NAV2: variants seen among roughly 807,000 people sequenced by gnomAD.
The protein encoded by NAV2 is neuron navigator 2.
A neutral mutation model predicts 223.2 loss-of-function variants in NAV2; 54 were observed. The ratio of observed to expected loss-of-function variants is 0.24; its 90% CI spans 0.19 to 0.30. The LOEUF is 0.30. Ranked by LOEUF, NAV2 falls within the 10% of genes least tolerant of loss-of-function variation. The pLI, the probability that NAV2 is intolerant of heterozygous loss-of-function variation, is 1.00. For synonymous variants in NAV2, 1,279 were observed against 1,239.3 expected (o/e 1.03, Z -0.67); for missense variants, 2,806 against 3,147.5 (o/e 0.89, Z 2.60).
chr11:19,794,985 G>A (rs960566008), intron 1 of NAV2, among the ~76,000 whole-genome samples: 9 of 152,132 alleles, frequency 5.9e-5, no homozygotes, highest in Non-Finnish European at 8.8e-5. Flanking sequence ...AAGGCCTAGC[G>A]GCATCTTTCT....
chr11:19,426,691 A>G (rs1008853223), intron 1 of NAV2, among the ~76,000 whole-genome samples: 1 of 121,374 alleles, frequency 8.2e-6, no homozygotes, highest in African/African-American at 3.1e-5. Context: ...AAACAGTCCC[A>G]TCAATTTTTT....
chr11:19,592,604 G>T (rs775903761), intron 1 of NAV2, among the ~76,000 whole-genome samples: 1 of 152,012 alleles, frequency 6.6e-6, no homozygotes, highest in Non-Finnish European at 1.5e-5. Flanking sequence ...TAATTCCTAG[G>T]TCTCTCTGGG....
At chr11:19,599,297 G>C (rs1342216512) in intron 1 of NAV2, among the ~76,000 whole-genome samples, 1 of 152,134 alleles carries the variant, frequency 6.6e-6, no homozygotes, top group African/African-American at 2.4e-5. Flanking sequence ...AAATGGTTTG[G>C]CTGGAAAAAC....
chr11:19,357,469 T>A (rs1853684950), intron 1 of NAV2, among the ~76,000 whole-genome samples: 1 of 152,242 alleles, frequency 6.6e-6, no homozygotes, highest in African/African-American at 2.4e-5. Flanking sequence ...TTATGAGATA[T>A]AATGTACTTG....
At chr11:19,562,462 G>A (rs1325472086) in intron 1 of NAV2, among the ~76,000 whole-genome samples, 1 of 152,116 alleles carries the variant, frequency 6.6e-6, no homozygotes, top group East Asian at 1.9e-4. Context: ...TTTGAGACAT[G>A]GATTGGGTCT....
chr11:19,704,206 CTTA>C (rs2049593690), intron 1 of NAV2, among the ~76,000 whole-genome samples: 1 of 152,112 alleles, frequency 6.6e-6, no homozygotes, highest in Non-Finnish European at 1.5e-5. Flanking sequence ...CTTTCCTTGC[CTTA>C]TTATTAAGAC....
intron 6 of NAV2, among the ~76,000 whole-genome samples, chr11:19,914,690 G>A (rs991545991): frequency 4.0e-5 from 6 of 151,738 alleles, no homozygotes; most frequent in Admixed American, 3.9e-4. Context: ...GACTACAGGC[G>A]CCCGCCACCG....
chr11:20,031,201 TTC>T (rs1322766606), intron 11 of NAV2, among the ~76,000 whole-genome samples: 1 of 152,218 alleles, frequency 6.6e-6, no homozygotes, highest in East Asian at 1.9e-4. Context: ...CCCAAGCCAC[TTC>T]TCTGGAATTT....
At chr11:19,558,428 T>G (rs1156346567) in intron 1 of NAV2, among the ~76,000 whole-genome samples, 3 of 152,212 alleles carry the variant, frequency 2.0e-5, no homozygotes, top group African/African-American at 7.2e-5. Flanking sequence ...CATGGCATTG[T>G]GCCAAACCCC....
chr11:19,909,002 T>C (rs1476071607), intron 6 of NAV2, among the ~76,000 whole-genome samples: 2 of 152,184 alleles, frequency 1.3e-5, no homozygotes, highest in Non-Finnish European at 2.9e-5. Flanking sequence ...TCTAAATGCA[T>C]GAATTTATGG....
chr11:19,356,777 AG>A (rs1348587277), intron 1 of NAV2, among the ~76,000 whole-genome samples: 1 of 152,220 alleles, frequency 6.6e-6, no homozygotes, highest in Non-Finnish European at 1.5e-5. Context: ...ATTGTTTTCC[AG>A]GGAATAAAAC....
intron 6 of NAV2, among the ~76,000 whole-genome samples, chr11:19,921,092 A>G (rs1159064869): frequency 6.6e-6 from 1 of 152,230 alleles, no homozygotes; most frequent in Non-Finnish European, 1.5e-5. Flanking sequence ...TTAAGAAGAC[A>G]ACTGTCAGGT....
intron 1 of NAV2, chr11:19,777,572 C>T (rs1380025282): frequency 6.6e-6 from 3 of 454,530 alleles, no homozygotes; most frequent in Non-Finnish European, 1.3e-5. Flanking sequence ...TTTTAACCCC[C>T]CACCCCGCCC....
At chr11:19,891,063 C>T (rs1565503760) in intron 5 of NAV2, among the ~76,000 whole-genome samples, 1 of 152,200 alleles carries the variant, frequency 6.6e-6, no homozygotes, top group Non-Finnish European at 1.5e-5. Flanking sequence ...CTCACACCAG[C>T]TCATGTTCTC....
chr11:19,670,868 C>T (rs2048557089), intron 1 of NAV2, among the ~76,000 whole-genome samples: 1 of 152,214 alleles, frequency 6.6e-6, no homozygotes, highest in Non-Finnish European at 1.5e-5. Context: ...GTGGCCTAGT[C>T]TAAGCACTCT....
At chr11:19,766,198 C>T (rs1197029275) in intron 1 of NAV2, among the ~76,000 whole-genome samples, 2 of 152,092 alleles carry the variant, frequency 1.3e-5, no homozygotes, top group Non-Finnish European at 2.9e-5. Context: ...TAGTACTACT[C>T]ATTTGCAACA....
intron 1 of NAV2, among the ~76,000 whole-genome samples, chr11:19,566,784 A>G (rs535766246): frequency 2.6e-5 from 4 of 152,226 alleles, no homozygotes; most frequent in Non-Finnish European, 5.9e-5. Context: ...TCTGTCCAGC[A>G]TCCAGGGAAA....
intron 1 of NAV2, among the ~76,000 whole-genome samples, chr11:19,361,997 G>A (rs951238761): frequency 6.6e-6 from 1 of 152,172 alleles, no homozygotes; most frequent in East Asian, 1.9e-4. Flanking sequence ...TAGAGGGGAT[G>A]GAGAGGAGGT....
intron 8 of NAV2, 53 bp downstream of exon 8, chr11:19,939,826 C>A: frequency 7.6e-7 from 1 of 1,314,346 alleles, no homozygotes; most frequent in Non-Finnish European, 1.1e-6. Flanking sequence ...GCCTTCCACG[C>A]AATACCTGCT....
Sources: allele counts gnomAD v4.1 joint callset (sites outside exome capture counted in the v4.1 genomes callset), GRCh38; gene constraint gnomAD v4.1.1; transcripts MANE v1.5; gene names NCBI Gene and HGNC (gene_info 2026-07-23, HGNC 2026-07-21).